Variants in RARB observed in about 807,000 individuals in gnomAD.
RARB encodes the protein retinoic acid receptor beta.
Under a neutral mutation model 51.9 loss-of-function variants are expected in RARB, and 17 were observed. The observed-to-expected ratio is 0.33, with a 90% confidence interval of 0.22 to 0.49. The LOEUF (loss-of-function observed/expected upper bound fraction) is 0.49, where lower values mean the gene tolerates loss of function less well. RARB is among the 20% of genes least tolerant of loss of function. RARB has a pLI of 0.99. For missense variants in RARB, 369 were observed against 550.8 expected (o/e 0.67, Z 3.30); for synonymous variants, 215 against 195.4 (o/e 1.10, Z -0.84).
rs1399550805 is a variant in RARB, at chr3:25,174,689, CT to C, written c.178+118del. ...TTCTTATTTCATTGGGTGCTGGTTTCTTTTGGTCTTGAATTCTACTTTTAGT... is the reference window on the plus strand; with the variant it reads ...TTCTTATTTCATTGGGTGCTGGTTTCTTTGGTCTTGAATTCTACTTTTAGT... On this transcript the variant is annotated intron_variant, in intron 5 of 11. Transcript: ENST00000383772. The C allele has an allele frequency of 4.8e-6, 5 of 1,041,468 alleles. No homozygotes were observed. In the African/African-American group the frequency reaches 6.7e-5, roughly 14 times the overall value. 64.5% of individuals were successfully genotyped at this position (1,041,468 alleles called of 1,614,324 possible).
At chr3:24,888,444 C>T (rs951023876) in intron 2 of RARB, among the ~76,000 whole-genome samples, 1 of 151,580 alleles carries the variant, frequency 6.6e-6, no homozygotes, top group African/African-American at 2.4e-5. Context: ...ACTTTAAGTT[C>T]TAGGGTACAT....
At chr3:24,996,893 G>A (rs982295850) in intron 2 of RARB, among the ~76,000 whole-genome samples, 1 of 152,080 alleles carries the variant, frequency 6.6e-6, no homozygotes, top group African/African-American at 2.4e-5. Context: ...CAGTCCTGGA[G>A]AATATTCCAT....
chr3:24,872,108 C>T (rs1702959710), intron 2 of RARB, among the ~76,000 whole-genome samples: 1 of 152,174 alleles, frequency 6.6e-6, no homozygotes, highest in African/African-American at 2.4e-5. Context: ...CCCCATTTCA[C>T]TTAGACTTAA....
chr3:25,588,467 C>CTT (rs575032187), intron 5 of RARB, among the ~76,000 whole-genome samples: 32 of 152,240 alleles, frequency 2.1e-4, no homozygotes, highest in South Asian at 1.5e-3. Flanking sequence ...AAGCTGTACT[C>CTT]GAGATTTGTG....
intron 5 of RARB, among the ~76,000 whole-genome samples, chr3:25,289,471 A>G (rs1371580834): frequency 6.6e-6 from 1 of 152,198 alleles, no homozygotes; most frequent in African/African-American, 2.4e-5. Flanking sequence ...GTGTTCTTGT[A>G]TATGTTGTCT....
At chr3:25,205,034 A>G (rs1701501511) in intron 5 of RARB, among the ~76,000 whole-genome samples, 2 of 152,180 alleles carry the variant, frequency 1.3e-5, no homozygotes, top group African/African-American at 2.4e-5. Context: ...TGGAGTCTAC[A>G]GAGGCAGGCA....
intron 2 of RARB, among the ~76,000 whole-genome samples, chr3:25,043,883 C>T (rs544222422): frequency 5.3e-5 from 8 of 152,236 alleles, no homozygotes; most frequent in South Asian, 4.2e-4. Flanking sequence ...CACTTTATTT[C>T]GTGGCTCATT....
intron 2 of RARB, among the ~76,000 whole-genome samples, chr3:25,468,806 C>T (rs1017451003): frequency 1.3e-5 from 2 of 152,224 alleles, no homozygotes; most frequent in Non-Finnish European, 2.9e-5. Flanking sequence ...GCAGAACCCA[C>T]ACATGGGCAT....
chr3:25,253,640 A>C (rs1182926942), intron 5 of RARB, among the ~76,000 whole-genome samples: 5 of 152,174 alleles, frequency 3.3e-5, no homozygotes. Context: ...CTCAAGAAAG[A>C]AGAAAATAAA....
chr3:24,894,975 A>C (rs1158627857), intron 2 of RARB, among the ~76,000 whole-genome samples: 1 of 152,132 alleles, frequency 6.6e-6, no homozygotes, highest in African/African-American at 2.4e-5. Context: ...ATGTGGAAAA[A>C]CCTTTGCTTT....
chr3:25,014,658 G>C (rs1362551472), intron 2 of RARB, among the ~76,000 whole-genome samples: 1 of 152,078 alleles, frequency 6.6e-6, no homozygotes, highest in African/African-American at 2.4e-5. Flanking sequence ...CAAGAAAATG[G>C]TTATTGCTGT....
chr3:25,413,701 G>T (rs1394376920), intron 5 of RARB, among the ~76,000 whole-genome samples: 1 of 151,984 alleles, frequency 6.6e-6, no homozygotes, highest in Non-Finnish European at 1.5e-5. Context: ...TTTGGTAGAT[G>T]TGTCGTGCTA....
intron 2 of RARB, among the ~76,000 whole-genome samples, chr3:24,991,046 T>A (rs1216145963): frequency 6.6e-6 from 1 of 152,228 alleles, no homozygotes; most frequent in Non-Finnish European, 1.5e-5. Flanking sequence ...TATGTTACTG[T>A]TTTTATGTTG....
chr3:25,167,871 T>A (rs17517931), intron 4 of RARB, among the ~76,000 whole-genome samples: 14,254 of 152,210 alleles, frequency 0.094, 881 homozygotes, highest in South Asian at 0.24. Flanking sequence ...TTTTTTTCTT[T>A]CCACCCTACC....
At chr3:25,363,479 C>G (rs1317435345) in intron 5 of RARB, among the ~76,000 whole-genome samples, 1 of 152,160 alleles carries the variant, frequency 6.6e-6, no homozygotes, top group East Asian at 1.9e-4. Context: ...GCAACTTCAT[C>G]TTTCCAGTTG....
At chr3:25,296,456 T>C (rs570746794) in intron 5 of RARB, among the ~76,000 whole-genome samples, 12 of 152,326 alleles carry the variant, frequency 7.9e-5, no homozygotes, top group African/African-American at 2.6e-4. Context: ...TCATCATCTG[T>C]AACATGTTGA....
chr3:25,001,485 A>T (rs1697156912), intron 2 of RARB, among the ~76,000 whole-genome samples: 1 of 152,094 alleles, frequency 6.6e-6, no homozygotes, highest in Non-Finnish European at 1.5e-5. Context: ...TCAGACAGAA[A>T]AAATGCGGGA....
intron 2 of RARB, among the ~76,000 whole-genome samples, chr3:24,935,959 A>C (rs1202750989): frequency 6.6e-6 from 1 of 152,136 alleles, no homozygotes; most frequent in Non-Finnish European, 1.5e-5. Context: ...GTTTCATGAT[A>C]TGTTAGGAAA....
chr3:25,092,824 T>A lies in RARB; in HGVS notation c.-328+32648T>A, dbSNP rs184560855. ...CATGAGTTTCATGTGTAAGGGAGAATGATGCACTGGTCATTTTTCCTTGTG... is the reference window on the plus strand; with the variant it reads ...CATGAGTTTCATGTGTAAGGGAGAAAGATGCACTGGTCATTTTTCCTTGTG... On this transcript the variant is annotated intron_variant, in intron 3 of 11. Transcript: ENST00000383772. 7.3e-3 allele frequency among the ~76,000 whole-genome samples: 1,112 copies of A among 152,264 alleles called. 16 individuals carry two copies. The highest frequency in any genetic ancestry group is 0.024 in the African/African-American group (993 of 41,530).
Sources: gnomAD v4.1 joint callset for allele counts (sites outside exome capture counted in the v4.1 genomes callset) on GRCh38, gnomAD v4.1.1 for gene constraint, MANE v1.5 for transcripts, NCBI Gene and HGNC (gene_info 2026-07-23, HGNC 2026-07-21) for gene names.